MAGI1: variants seen among roughly 807,000 people sequenced by gnomAD.
The protein encoded by MAGI1 is membrane-associated guanylate kinase, WW and PDZ domain-containing protein 1.
Under a neutral mutation model 139.9 loss-of-function variants are expected in MAGI1, and 58 were observed. The ratio of observed to expected loss-of-function variants is 0.41; its 90% CI spans 0.34 to 0.52. The LOEUF is 0.52. Ranked by LOEUF, MAGI1 falls within the 20% of genes least tolerant of loss-of-function variation. The pLI, the probability that MAGI1 is intolerant of heterozygous loss-of-function variation, is 0.12. For synonymous variants in MAGI1, 812 were observed against 737.9 expected (o/e 1.10, Z -1.63); for missense variants, 1,874 against 1,901.6 (o/e 0.99, Z 0.27).
At chr3:65,470,962 A>C (rs1228735380) in intron 4 of MAGI1, among the ~76,000 whole-genome samples, 1 of 152,206 alleles carries the variant, frequency 6.6e-6, no homozygotes, top group Admixed American at 6.5e-5. Context: ...TTTATAAGTT[A>C]TTTTTATATT....
At chr3:65,655,568 T>C (rs12629724) in intron 1 of MAGI1, among the ~76,000 whole-genome samples, 13,992 of 152,228 alleles carry the variant, frequency 0.092, 964 homozygotes, top group East Asian at 0.39. Context: ...AATTTTTGAG[T>C]TGTCATCATC....
Position 65,355,912 on chromosome 3 carries a change from CTTTGCT to C in MAGI1, c.*460_*465del, listed in dbSNP as rs1044181315. 16 of 152,972 alleles carry C rather than the reference CTTTGCT, an allele frequency of 1.0e-4. No homozygotes were observed. Among genetic ancestry groups the C allele is most frequent in the African/African-American group, 3.6e-4 (15 of 41,440 alleles). 9.5% of individuals were successfully genotyped at this position (152,972 alleles called of 1,614,324 possible). On this transcript the variant is annotated 3_prime_UTR_variant, in exon 23 of 23. Transcript: ENST00000402939. ...ACAAATAAAACTTTGCATTTTTGCTCTTTGCTTTTAAGAAAAACTTCCGACTACAGT... is the reference window on the plus strand; with the variant it reads ...ACAAATAAAACTTTGCATTTTTGCTCTTTAAGAAAAACTTCCGACTACAGT...
At chr3:65,510,225 G>T (rs925457451) in intron 2 of MAGI1, among the ~76,000 whole-genome samples, 1 of 152,306 alleles carries the variant, frequency 6.6e-6, no homozygotes, top group South Asian at 2.1e-4. Flanking sequence ...AGAAAAACTG[G>T]AAACTGTAAA....
chr3:65,713,307 T>G (rs1025964790), intron 1 of MAGI1, among the ~76,000 whole-genome samples: 1 of 152,164 alleles, frequency 6.6e-6, no homozygotes. Flanking sequence ...TCAACATTCT[T>G]GGTCAAACCC....
intron 2 of MAGI1, among the ~76,000 whole-genome samples, chr3:65,607,022 TAAAGCAAGCTCCAATA>T (rs1212224984): frequency 2.6e-5 from 4 of 152,164 alleles, no homozygotes; most frequent in Non-Finnish European, 5.9e-5. Flanking sequence ...TATGGGTTTT[TAAAGCAAGCTCCAATA>T]ACTGCCTAAG....
At chr3:65,957,974 G>A (rs1217404198) in intron 1 of MAGI1, among the ~76,000 whole-genome samples, 2 of 151,980 alleles carry the variant, frequency 1.3e-5, no homozygotes, top group East Asian at 1.9e-4. Context: ...GTTCAGGCTG[G>A]TCTCTAACTC....
chr3:65,934,732 T>C (rs1323799478), intron 1 of MAGI1, among the ~76,000 whole-genome samples: 2 of 151,686 alleles, frequency 1.3e-5, no homozygotes. Flanking sequence ...GGCCATTTAA[T>C]GGTGCCAGAT....
At chr3:65,863,490 T>C (rs776255775) in intron 1 of MAGI1, among the ~76,000 whole-genome samples, 2 of 152,214 alleles carry the variant, frequency 1.3e-5, no homozygotes, top group African/African-American at 4.8e-5. Context: ...TTAAGTAGTA[T>C]GCCCAGAAAT....
Position 65,391,085 on chromosome 3 carries a change from G to T in MAGI1, c.2416+57C>A, listed in dbSNP as rs987063526. 42 of 1,426,432 alleles carry T rather than the reference G, an allele frequency of 2.9e-5. No homozygotes were observed. In the African/African-American group the frequency reaches 5.7e-4, roughly 19 times the overall value. 88.4% of individuals were successfully genotyped at this position (1,426,432 alleles called of 1,614,324 possible). A position where few individuals can be genotyped will look rare whatever the true frequency, so the allele number is the denominator to read the frequency against. On this transcript the variant is annotated intron_variant, in intron 14 of 22. Transcript: ENST00000402939. ...CATCTATTTTCAATAACCTTCAAGA[G>T]AAAGGTAGAGCCCTGCGGAGGGGTC...
chr3:65,706,501 G>A (rs2030316957), intron 1 of MAGI1, among the ~76,000 whole-genome samples: 1 of 152,158 alleles, frequency 6.6e-6, no homozygotes, highest in African/African-American at 2.4e-5. Flanking sequence ...ATGGGAAACT[G>A]TCGAAAATGA....
intron 1 of MAGI1, among the ~76,000 whole-genome samples, chr3:65,743,278 G>A (rs2035426551): frequency 6.6e-6 from 1 of 152,170 alleles, no homozygotes; most frequent in African/African-American, 2.4e-5. Flanking sequence ...TTTACTATGT[G>A]CCTGATACTA....
chr3:65,755,218 G>T (rs1301541071), intron 1 of MAGI1, among the ~76,000 whole-genome samples: 1 of 152,094 alleles, frequency 6.6e-6, no homozygotes, highest in Non-Finnish European at 1.5e-5. Context: ...AAAGTGCTGG[G>T]ATTACAGGTG....
intron 1 of MAGI1, among the ~76,000 whole-genome samples, chr3:65,892,543 G>A (rs543445431): frequency 4.6e-4 from 70 of 152,118 alleles, no homozygotes; most frequent in Admixed American, 1.3e-3. Flanking sequence ...TCTAAAGAAC[G>A]TATATAAAAG....
chr3:65,563,968 A>G (rs2080487885), intron 2 of MAGI1, among the ~76,000 whole-genome samples: 1 of 152,156 alleles, frequency 6.6e-6, no homozygotes, highest in Admixed American at 6.5e-5. Context: ...CATGGGAAAT[A>G]CTTAATAAAT....
intron 2 of MAGI1, among the ~76,000 whole-genome samples, chr3:65,557,501 C>T (rs1559668772): frequency 6.6e-6 from 1 of 152,132 alleles, no homozygotes; most frequent in Non-Finnish European, 1.5e-5. Flanking sequence ...GATTCCTGAC[C>T]CTCAGAAACT....
intron 1 of MAGI1, among the ~76,000 whole-genome samples, chr3:65,940,458 C>T (rs1432579340): frequency 6.6e-6 from 1 of 152,132 alleles, no homozygotes; most frequent in Non-Finnish European, 1.5e-5. Context: ...TGTATCTTCA[C>T]GTGGCAGAAA....
intron 1 of MAGI1, among the ~76,000 whole-genome samples, chr3:65,968,028 G>GAT (rs2064843661): frequency 6.6e-6 from 1 of 152,166 alleles, no homozygotes; most frequent in Admixed American, 6.5e-5. Context: ...AATGTAATGA[G>GAT]ATAAACCCTT....
intron 18 of MAGI1, among the ~76,000 whole-genome samples, chr3:65,370,767 C>T (rs112729740): frequency 0.041 from 6,189 of 152,280 alleles, 563 homozygotes; most frequent in East Asian, 0.31. Flanking sequence ...CCAGCGTATC[C>T]TGCCCGTTGC....
At chr3:65,713,116 C>T (rs80135338) in intron 1 of MAGI1, among the ~76,000 whole-genome samples, 2 of 152,294 alleles carry the variant, frequency 1.3e-5, no homozygotes, top group Admixed American at 6.5e-5. Flanking sequence ...GGCCCCATTC[C>T]TTCTACTCCT....
Sources: allele counts gnomAD v4.1 joint callset (sites outside exome capture counted in the v4.1 genomes callset), GRCh38; gene constraint gnomAD v4.1.1; transcripts MANE v1.5; gene names NCBI Gene and HGNC (gene_info 2026-07-23, HGNC 2026-07-21).